The following PCLO variants were observed in gnomAD, a reference collection of about 807,000 sequenced individuals.
PCLO encodes the protein piccolo presynaptic cytomatrix protein.
In PCLO, 82 loss-of-function variants were observed where a neutral mutation model predicts 427.5. That is an observed-to-expected ratio of 0.19 (90% confidence interval 0.16 to 0.23). PCLO has a LOEUF of 0.23. PCLO is among the 10% of genes least tolerant of loss of function. The pLI, the probability that PCLO is intolerant of heterozygous loss-of-function variation, is 1.00. For missense variants in PCLO, 6,239 were observed against 6,115.9 expected, an observed-to-expected ratio of 1.02 and a Z score of -0.67; for synonymous variants, 2,357 against 2,155.4, an observed-to-expected ratio of 1.09 and a Z score of -2.59.
chr7:82,992,779 C>T lies in PCLO; in HGVS notation c.3301-26292G>A, dbSNP rs1056428426. On this transcript the variant is annotated intron_variant, in intron 3 of 24. Transcript: ENST00000333891. ...TAAAAGAAAAAAAAATGATGCCTTA[C>T]TTTTTGTGAATTCCCACAGATTACT... 3.3e-5 allele frequency among the ~76,000 whole-genome samples: 5 copies of T among 152,120 alleles called. No individual in the cohort carries two copies. The East Asian group carries it at 9.7e-4, about 29-fold the overall frequency.
intron 3 of PCLO, among the ~76,000 whole-genome samples, chr7:83,055,655 T>C (rs1220805529): frequency 2.0e-5 from 3 of 152,204 alleles, no homozygotes; most frequent in East Asian, 1.9e-4. Context: ...ATTTTGCAAA[T>C]TTATGAATTT....
intron 2 of PCLO, among the ~76,000 whole-genome samples, chr7:83,138,448 G>A (rs1487114588): frequency 1.3e-5 from 2 of 152,226 alleles, no homozygotes; most frequent in East Asian, 3.9e-4. Context: ...ATCTCCTGAG[G>A]TCAGGAGTTC....
chr7:82,782,447 G>A (rs1186355195), intron 22 of PCLO, among the ~76,000 whole-genome samples: 2 of 151,982 alleles, frequency 1.3e-5, no homozygotes. Context: ...CATTTATTTT[G>A]CTTAAATCAC....
intron 6 of PCLO, among the ~76,000 whole-genome samples, chr7:82,919,928 C>T (rs901271755): frequency 1.3e-5 from 2 of 151,870 alleles, no homozygotes; most frequent in African/African-American, 4.8e-5. Flanking sequence ...AACTATAGAA[C>T]CATTAGAACC....
intron 9 of PCLO, 39 bp downstream of exon 9, chr7:82,902,604 CAAAACAAA>C: frequency 1.8e-6 from 2 of 1,124,638 alleles, no homozygotes; most frequent in South Asian, 1.3e-5. Flanking sequence ...CAAAACAAAA[CAAAACAAA>C]AAAACAAAAA....
chr7:83,153,320 G>T (rs1792185272), intron 2 of PCLO, among the ~76,000 whole-genome samples: 1 of 151,584 alleles, frequency 6.6e-6, no homozygotes, highest in African/African-American at 2.4e-5. Context: ...ATAAGTAAAT[G>T]ATTATTTACT....
At chr7:83,032,597 C>G (rs1484267319) in intron 3 of PCLO, among the ~76,000 whole-genome samples, 1 of 151,930 alleles carries the variant, frequency 6.6e-6, no homozygotes, top group Non-Finnish European at 1.5e-5. Flanking sequence ...CTTCTGAATG[C>G]CAGATAGAAT....
At chr7:82,913,043 T>C (rs2116251243) in intron 7 of PCLO, among the ~76,000 whole-genome samples, 1 of 152,092 alleles carries the variant, frequency 6.6e-6, no homozygotes, top group Admixed American at 6.5e-5. Flanking sequence ...TTGTAAAAAG[T>C]AAGGAAATAT....
At position 82,923,019 on chromosome 7, in the gene PCLO, A is replaced by G. The variant is rs1794633720; in HGVS notation, c.11113-6146T>C. On this transcript the variant is annotated intron_variant, in intron 6 of 24. Coordinates refer to ENST00000333891, the MANE Select transcript of PCLO (RefSeq NM_033026.6). The stretch of plus-strand genomic sequence containing the variant: ...TGGTAGAGATGTGGATTCTTTTTCA[A>G]ACAGCATAATTTCACAAAAAATTAT... Among the ~76,000 whole-genome samples the G allele has an allele frequency of 2.0e-5, 3 of 152,008 alleles. No homozygotes were observed. In the South Asian group the frequency reaches 6.2e-4, roughly 31 times the overall value.
chr7:82,824,636 C>T (rs541145681), intron 18 of PCLO, among the ~76,000 whole-genome samples: 17 of 149,278 alleles, frequency 1.1e-4, no homozygotes, highest in African/African-American at 4.0e-4. Context: ...TTGAACTGAA[C>T]TGTATAAAAT....
intron 2 of PCLO, among the ~76,000 whole-genome samples, chr7:83,143,435 A>G (rs889739077): frequency 6.6e-6 from 1 of 152,234 alleles, no homozygotes; most frequent in African/African-American, 2.4e-5. Flanking sequence ...ACATCCAGAA[A>G]TTGAATGGAC....
intron 6 of PCLO, among the ~76,000 whole-genome samples, chr7:82,930,281 G>C (rs1794811317): frequency 6.6e-6 from 1 of 152,096 alleles, no homozygotes; most frequent in African/African-American, 2.4e-5. Context: ...GCACAGTGTA[G>C]AAGGCTGTGC....
intron 1 of PCLO, among the ~76,000 whole-genome samples, chr7:83,160,460 T>C (rs941008413): frequency 2.6e-5 from 4 of 152,104 alleles, no homozygotes; most frequent in African/African-American, 7.2e-5. Flanking sequence ...TAACCATATA[T>C]AGGGAAAATA....
chr7:82,776,030 G>A (rs1280917225), intron 22 of PCLO, among the ~76,000 whole-genome samples: 2 of 151,988 alleles, frequency 1.3e-5, no homozygotes, highest in East Asian at 3.9e-4. Flanking sequence ...GTTACTTACT[G>A]GTGATATGAA....
intron 3 of PCLO, among the ~76,000 whole-genome samples, chr7:82,988,221 G>A (rs893990286): frequency 6.6e-6 from 1 of 151,828 alleles, no homozygotes; most frequent in African/African-American, 2.4e-5. Context: ...GTAGAGATGA[G>A]GGCTCACTGT....
Position 82,840,592 on chromosome 7 carries a change from C to A in PCLO, c.14097+867G>T, listed in dbSNP as rs146221763. On this transcript the variant is annotated intron_variant, in intron 14 of 24. Coordinates refer to ENST00000333891, the MANE Select transcript of PCLO (RefSeq NM_033026.6). ...AAGCTGATTCTTCAACCATTACTCT[C>A]GGACAACAATACCTTTAATTGTACT... Among the ~76,000 whole-genome samples, 39 of 152,128 alleles carry A rather than the reference C, an allele frequency of 2.6e-4. No homozygotes were observed. In the East Asian group the frequency reaches 6.2e-3, roughly 24 times the overall value.
chr7:82,809,796 T>G (rs534853924), intron 20 of PCLO, among the ~76,000 whole-genome samples: 1 of 151,688 alleles, frequency 6.6e-6, no homozygotes, highest in Non-Finnish European at 1.5e-5. Flanking sequence ...GAGTCATTTT[T>G]TTTAGCTTTT....
At chr7:82,835,584 G>A (rs138858401) in intron 16 of PCLO, 83 bp downstream of exon 16, 19 of 963,324 alleles carry the variant, frequency 2.0e-5, no homozygotes, top group Non-Finnish European at 2.9e-5. Flanking sequence ...ATGTTGAAGT[G>A]CCAGTGAATG....
chr7:82,984,974 A>C (rs1209630799), intron 3 of PCLO, among the ~76,000 whole-genome samples: 4 of 152,018 alleles, frequency 2.6e-5, no homozygotes, highest in African/African-American at 7.2e-5. Flanking sequence ...CTACTGATAA[A>C]ATTGAAAGAA....
Sources: allele counts gnomAD v4.1 joint callset (sites outside exome capture counted in the v4.1 genomes callset), GRCh38; gene constraint gnomAD v4.1.1; transcripts MANE v1.5; gene names NCBI Gene and HGNC (gene_info 2026-07-23, HGNC 2026-07-21).